ACTR8: variants seen among roughly 807,000 people sequenced by gnomAD.
ACTR8 encodes the protein actin-related protein 8.
Under a neutral mutation model 84.3 loss-of-function variants are expected in ACTR8, and 70 were observed. The observed-to-expected ratio is 0.83, with a 90% CI of 0.68 to 1.01. The LOEUF (loss-of-function observed/expected upper bound fraction) is 1.01. Among genes scored for constraint, ACTR8 ranks in the 50% least tolerant of loss-of-function variants. The pLI, the probability that ACTR8 is intolerant of heterozygous loss-of-function variation, is 0.00. For missense variants in ACTR8, 672 were observed against 775.4 expected, an observed-to-expected ratio of 0.87 and a Z score of 1.58; for synonymous variants, 268 against 275.2, an observed-to-expected ratio of 0.97 and a Z score of 0.26.
At chr3:53,864,797 A>G, downstream of ACTR8, 1 of 1,613,962 alleles carries the variant, frequency 6.2e-7, no homozygotes, top group South Asian at 1.1e-5. Flanking sequence ...CCCCCCATTA[A>G]GGTTCTTGTG....
At chr3:53,865,578 A>G (rs1167714605), downstream of ACTR8, 5 of 395,734 alleles carry the variant, frequency 1.3e-5, no homozygotes, top group African/African-American at 8.1e-5. Context: ...ATGCAACAAT[A>G]AAGCATCTTC....
downstream of ACTR8, chr3:53,864,875 G>A: frequency 6.2e-7 from 1 of 1,614,188 alleles, no homozygotes; most frequent in Non-Finnish European, 8.5e-7. Flanking sequence ...CAAAACCATT[G>A]CAGAAGTGAG....
intron 9 of ACTR8, 57 bp downstream of exon 9, chr3:53,872,975 T>G: frequency 7.5e-7 from 1 of 1,340,830 alleles, no homozygotes; most frequent in South Asian, 1.2e-5. Flanking sequence ...TTCTCTCAGT[T>G]TGATTGAACC....
At chr3:53,864,408 G>A (rs997534051), downstream of ACTR8, among the ~76,000 whole-genome samples, 151 of 152,188 alleles carry the variant, frequency 9.9e-4, 2 homozygotes, top group East Asian at 3.9e-4. Flanking sequence ...GGTGGCGGGC[G>A]CCTGTAGTCC....
chr3:53,882,111 A>T lies in ACTR8; in HGVS notation c.-10T>A. 1 of 1,551,294 alleles carries T rather than the reference A, an allele frequency of 6.4e-7. No homozygotes were observed. The highest frequency in any genetic ancestry group is 8.7e-7 in the Non-Finnish European group (1 of 1,146,746). On this transcript the variant is annotated 5_prime_UTR_variant, in exon 1 of 13. Transcript: ENST00000335754. The stretch of plus-strand genomic sequence containing the variant: ...TCTCAGCCTGGGTCATTATGGCCGG[A>T]GACACCCACCAACCTCTCGCCTCAG...
chr3:53,864,562 A>G (rs1699708309), downstream of ACTR8, among the ~76,000 whole-genome samples: 1 of 152,132 alleles, frequency 6.6e-6, no homozygotes, highest in African/African-American at 2.4e-5. Context: ...AGGTTTAAGC[A>G]TCAGTGTGTT....
chr3:53,879,112 T>C (rs532919595), intron 2 of ACTR8, among the ~76,000 whole-genome samples: 3 of 152,352 alleles, frequency 2.0e-5, no homozygotes, highest in Non-Finnish European at 4.4e-5. Flanking sequence ...CTCGTTATTA[T>C]AGTATAAAGA....
At position 53,875,980 on chromosome 3, in the gene ACTR8, A is replaced by G; in HGVS notation, c.879T>C (p.Cys293=). 1 of 1,614,144 alleles carries G rather than the reference A, an allele frequency of 6.2e-7. No individual in the cohort carries two copies. The highest frequency in any genetic ancestry group is 8.5e-7 in the Non-Finnish European group (1 of 1,180,032). Residue 293 remains cysteine (C), a synonymous_variant, in exon 7 of 13, where the codon TGT becomes TGC. Coordinates refer to ENST00000335754, the MANE Select transcript of ACTR8 (RefSeq NM_022899.5). Reference sequence around the variant, plus strand: ...TCCGATGAGACACCCCATCCTCCACACAGCATACACTTGTCTTCTGGTCCC... The same window carrying G: ...TCCGATGAGACACCCCATCCTCCACGCAGCATACACTTGTCTTCTGGTCCC... ...DVGDQKTSVC[C]VEDGVSHRNT...
chr3:53,881,077 A>C (rs1700051092), intron 1 of ACTR8, among the ~76,000 whole-genome samples: 1 of 152,224 alleles, frequency 6.6e-6, no homozygotes, highest in African/African-American at 2.4e-5. Flanking sequence ...CTTCTCAACT[A>C]GACAGATGGA....
rs148902548 is a variant in ACTR8, at chr3:53,875,185, G to A, written c.911+763C>T. ...AAGTGGCATTGGATATTCTAACAAT[G>A]GATGAGCCAAATAACTCAAAATGGA... On this transcript the variant is annotated intron_variant, in intron 7 of 12. Transcript: ENST00000335754. Among the ~76,000 whole-genome samples, 276 of 152,314 alleles carry A rather than the reference G, an allele frequency of 1.8e-3. 2 individuals are homozygous for A. Among genetic ancestry groups the A allele is most frequent in the East Asian group, 8.5e-3 (44 of 5,186 alleles).
At chr3:53,871,043 T>C (rs1311749215) in intron 11 of ACTR8, 189 bp downstream of exon 11, 1 of 779,976 alleles carries the variant, frequency 1.3e-6, no homozygotes, top group East Asian at 2.8e-5. Flanking sequence ...TTTTGGCCTC[T>C]TCCACTAGGC....
intron 5 of ACTR8, 49 bp downstream of exon 5, chr3:53,877,165 T>G: frequency 1.3e-6 from 2 of 1,513,088 alleles, no homozygotes; most frequent in Non-Finnish European, 1.8e-6. Flanking sequence ...GTACTTTCAT[T>G]GACCAAGAAT....
At chr3:53,863,608 C>T (rs1259841229), downstream of ACTR8, among the ~76,000 whole-genome samples, 1 of 152,022 alleles carries the variant, frequency 6.6e-6, no homozygotes, top group African/African-American at 2.4e-5. Context: ...TTTACAGCAC[C>T]GTATAGGGCA....
intron 2 of ACTR8, among the ~76,000 whole-genome samples, chr3:53,878,785 C>G (rs1700014674): frequency 1.3e-5 from 2 of 152,160 alleles, no homozygotes; most frequent in Non-Finnish European, 2.9e-5. Flanking sequence ...GATCGCACCA[C>G]TGTACTCCAG....
At chr3:53,865,322 A>C (rs1327995114), downstream of ACTR8, 1 of 1,591,078 alleles carries the variant, frequency 6.3e-7, no homozygotes, top group Non-Finnish European at 8.5e-7. Flanking sequence ...ACCCATGAGA[A>C]GCAAGAGACC....
intron 4 of ACTR8, 25 bp downstream of exon 4, chr3:53,877,622 A>T: frequency 6.3e-7 from 1 of 1,590,868 alleles, no homozygotes; most frequent in Non-Finnish European, 8.6e-7. Flanking sequence ...CCCTTCTTTC[A>T]TTCTATTGTA....
At position 53,870,182 on chromosome 3, in the gene ACTR8, C is replaced by T; in HGVS notation, c.1568-37G>A. On this transcript the variant is annotated intron_variant, in intron 11 of 12. Coordinates refer to ENST00000335754, the MANE Select transcript of ACTR8 (RefSeq NM_022899.5). This position sits in a 1 kb window ranked among gnomAD's most constrained non-coding sequence, Gnocchi z 4.1. The stretch of plus-strand genomic sequence containing the variant: ...GTTGACATCCTCCATGCTTTTTTCT[C>T]CACATCCATAATTCTAGGCCAAGCC... 2 of 1,600,600 alleles carry T rather than the reference C, an allele frequency of 1.2e-6. No homozygotes were observed. Among genetic ancestry groups the T allele is most frequent in the Non-Finnish European group, 1.7e-6 (2 of 1,170,170 alleles).
downstream of ACTR8, chr3:53,864,838 A>C: frequency 6.2e-7 from 1 of 1,614,200 alleles, no homozygotes; most frequent in Non-Finnish European, 8.5e-7. Flanking sequence ...TTTCCATCAC[A>C]CAATTTGTTA....
rs1296811306 is a variant in ACTR8, at chr3:53,882,012, G to A, written c.90C>T (p.Ile30=). ...EKEQRGVKRP[I]VPALVPESLQ... The stretch of plus-strand genomic sequence containing the variant: ...GCGACTCCGGCACCAGCGCGGGCAC[G>A]ATGGGCCGCTTCACGCCGCGCTGCT... Residue 30 remains isoleucine (I), a synonymous_variant, in exon 1 of 13, where the codon ATC becomes ATT. Transcript: ENST00000335754. The A allele has an allele frequency of 6.4e-7, 1 of 1,552,192 alleles. No homozygotes were observed. Among genetic ancestry groups the A allele is most frequent in the Non-Finnish European group, 8.7e-7 (1 of 1,147,180 alleles).
Sources: gnomAD v4.1 joint callset for allele counts (sites outside exome capture counted in the v4.1 genomes callset) on GRCh38, gnomAD v4.1.1 for gene constraint, Gnocchi (gnomAD v3.1) non-coding constraint, MANE v1.5 for transcripts, NCBI Gene and HGNC (gene_info 2026-07-23, HGNC 2026-07-21) for gene names.